Variants in PLPP1 observed in about 807,000 individuals in gnomAD.
The protein encoded by PLPP1 is phospholipid phosphatase 1, also known as lipid phosphate phosphohydrolase 1a.
In PLPP1, 24 loss-of-function variants were observed where a neutral mutation model predicts 31.2. That is an observed-to-expected ratio of 0.77 (90% CI 0.56 to 1.08). The LOEUF (loss-of-function observed/expected upper bound fraction) is 1.08. Ranked by LOEUF, PLPP1 falls within the 50% of genes least tolerant of loss-of-function variation. The probability of loss-of-function intolerance (pLI) is 0.00; values close to 1 mark genes in which losing one functional copy is unlikely to be tolerated. For missense variants in PLPP1, 319 were observed against 342.7 expected (o/e 0.93, Z 0.55); for synonymous variants, 146 against 126.3 (o/e 1.16, Z -1.05).
At chr5:55,480,681 C>T (rs546847325) in intron 1 of PLPP1, among the ~76,000 whole-genome samples, 88 of 151,992 alleles carry the variant, frequency 5.8e-4, no homozygotes, top group Middle Eastern at 3.4e-3. Context: ...TTTGGTTTAC[C>T]CACTCACCAG....
rs546880133 is a variant in PLPP1, at chr5:55,525,411, C to T, written c.58+9161G>A. ...TAAAATTTGAATCCACAGTCCATCA[C>T]TAGACTATGCTGCCTAACATTTTAA... On this transcript the variant is annotated intron_variant, in intron 1 of 5. Coordinates refer to ENST00000307259, the MANE Select transcript of PLPP1 (RefSeq NM_003711.4). Among the ~76,000 whole-genome samples, 17 of 152,340 alleles carry T rather than the reference C, an allele frequency of 1.1e-4. 1 individual carries two copies. The South Asian group carries it at 3.5e-3, about 32-fold the overall frequency.
chr5:55,490,416 C>T (rs988011555), intron 1 of PLPP1, among the ~76,000 whole-genome samples: 1 of 152,076 alleles, frequency 6.6e-6, no homozygotes, highest in Non-Finnish European at 1.5e-5. Context: ...TCCCAAAGTG[C>T]TGGGATTACA....
intron 1 of PLPP1, among the ~76,000 whole-genome samples, chr5:55,483,121 T>TTTAAAA (rs1343712737): frequency 6.6e-6 from 1 of 152,148 alleles, no homozygotes; most frequent in Non-Finnish European, 1.5e-5. Flanking sequence ...AAAGTGATTT[T>TTTAAAA]TTAAAATTAA....
intron 1 of PLPP1, among the ~76,000 whole-genome samples, chr5:55,527,409 T>C (rs1740496041): frequency 6.6e-6 from 1 of 152,202 alleles, no homozygotes; most frequent in Non-Finnish European, 1.5e-5. Flanking sequence ...TTTGGCATAA[T>C]GATGATACCA....
chr5:55,478,719 G>A lies in PLPP1; in HGVS notation c.59-3269C>T, dbSNP rs1032876377. Among the ~76,000 whole-genome samples the A allele has an allele frequency of 8.5e-5, 13 of 152,210 alleles. No individual in the cohort carries two copies. In the East Asian group the frequency reaches 1.2e-3, roughly 14 times the overall value. On this transcript the variant is annotated intron_variant, in intron 1 of 5. Transcript: ENST00000307259. ...CAGGTCAGGAGACAGTGACCTCACC[G>A]TGGCCACATCAGAAAGAGGGGGCAT...
At chr5:55,444,676 T>C (rs1398457475) in intron 3 of PLPP1, among the ~76,000 whole-genome samples, 1 of 151,854 alleles carries the variant, frequency 6.6e-6, no homozygotes, top group Admixed American at 6.6e-5. Context: ...TACTGAACAA[T>C]AAGCCAGCTT....
At chr5:55,521,074 T>C (rs755701853) in intron 1 of PLPP1, among the ~76,000 whole-genome samples, 6 of 151,768 alleles carry the variant, frequency 4.0e-5, no homozygotes, top group Non-Finnish European at 8.8e-5. Flanking sequence ...TAGCCGGAGC[T>C]GGGGGCGGTG....
Position 55,436,780 on chromosome 5 carries a change from G to C in PLPP1, c.549+5071C>G, listed in dbSNP as rs142547628. On this transcript the variant is annotated intron_variant, in intron 4 of 5. Coordinates refer to ENST00000307259, the MANE Select transcript of PLPP1 (RefSeq NM_003711.4). ...AAAGAAACTAGAAAATTCAACATCT[G>C]TGATACTACTTAGGCATTCTTTCAT... Among the ~76,000 whole-genome samples, 359 of 152,276 alleles carry C rather than the reference G, an allele frequency of 2.4e-3. 1 individual carries two copies. Among genetic ancestry groups the C allele is most frequent in the African/African-American group, 8.0e-3 (334 of 41,540 alleles).
chr5:55,504,676 G>A (rs1288229573), intron 1 of PLPP1, among the ~76,000 whole-genome samples: 1 of 151,914 alleles, frequency 6.6e-6, no homozygotes, highest in Admixed American at 6.6e-5. Flanking sequence ...TTACTAAAGT[G>A]TAAGAAATAT....
intron 4 of PLPP1, among the ~76,000 whole-genome samples, chr5:55,433,261 G>A (rs1165476006): frequency 1.3e-4 from 20 of 151,036 alleles, no homozygotes; most frequent in African/African-American, 4.4e-4. Flanking sequence ...AGGACAATGA[G>A]GTTGCAGTGA....
At chr5:55,441,797 A>G in intron 4 of PLPP1, 54 bp downstream of exon 4, 1 of 1,542,624 alleles carries the variant, frequency 6.5e-7, no homozygotes, top group East Asian at 2.2e-5. Flanking sequence ...GATGCTGAGC[A>G]CATTAATTCC....
At chr5:55,497,483 A>T (rs1431038886) in intron 1 of PLPP1, among the ~76,000 whole-genome samples, 1 of 147,416 alleles carries the variant, frequency 6.8e-6, no homozygotes, top group East Asian at 2.0e-4. Flanking sequence ...AAACTCCTGG[A>T]CTCAAGCAAT....
chr5:55,474,249 G>A (rs575089472), intron 2 of PLPP1, among the ~76,000 whole-genome samples: 9 of 151,798 alleles, frequency 5.9e-5, no homozygotes, highest in Admixed American at 1.3e-4. Context: ...TGCCTGCCTC[G>A]GCCTCCCAAA....
intron 4 of PLPP1, among the ~76,000 whole-genome samples, chr5:55,435,550 T>C (rs1561222172): frequency 6.6e-6 from 1 of 152,184 alleles, no homozygotes; most frequent in South Asian, 2.1e-4. Context: ...TATCCTGATA[T>C]ACATCAAGAG....
chr5:55,479,647 T>C (rs1373060190), intron 1 of PLPP1, among the ~76,000 whole-genome samples: 1 of 152,252 alleles, frequency 6.6e-6, no homozygotes, highest in African/African-American at 2.4e-5. Flanking sequence ...CCGGGTGAAA[T>C]GGGAAAGTAG....
At chr5:55,483,993 T>C (rs879831329) in intron 1 of PLPP1, among the ~76,000 whole-genome samples, 4 of 152,200 alleles carry the variant, frequency 2.6e-5, no homozygotes, top group Non-Finnish European at 4.4e-5. Context: ...TCATCATTAA[T>C]AGACAGTGAC....
At chr5:55,436,352 T>A (rs985574472) in intron 4 of PLPP1, among the ~76,000 whole-genome samples, 4 of 152,182 alleles carry the variant, frequency 2.6e-5, no homozygotes, top group Non-Finnish European at 5.9e-5. Flanking sequence ...GCTGTTCTTG[T>A]GATAGTAAGT....
chr5:55,454,345 T>G (rs772153233), intron 3 of PLPP1, among the ~76,000 whole-genome samples: 3 of 152,196 alleles, frequency 2.0e-5, no homozygotes, highest in South Asian at 4.1e-4. Context: ...TCTGCAAACC[T>G]CATTCTCCCA....
chr5:55,526,582 A>G (rs769655014), intron 1 of PLPP1, among the ~76,000 whole-genome samples: 8 of 152,172 alleles, frequency 5.3e-5, no homozygotes, highest in Non-Finnish European at 8.8e-5. Context: ...AACAACGACA[A>G]CAAACAGAAA....
Sources: allele counts gnomAD v4.1 joint callset (sites outside exome capture counted in the v4.1 genomes callset), GRCh38; gene constraint gnomAD v4.1.1; transcripts MANE v1.5; gene names NCBI Gene and HGNC (gene_info 2026-07-23, HGNC 2026-07-21).